LDB2: variants seen among roughly 807,000 people sequenced by gnomAD.
The protein encoded by LDB2 is LIM domain binding 2.
LDB2 carries 12 observed loss-of-function variants against 44.3 expected under a neutral mutation model. The ratio of observed to expected loss-of-function variants is 0.27; its 90% CI spans 0.17 to 0.44. The LOEUF is 0.44. Among genes scored for constraint, LDB2 ranks in the 20% least tolerant of loss-of-function variants. LDB2 has a pLI of 1.00. For synonymous variants in LDB2, 164 were observed against 174.8 expected, an observed-to-expected ratio of 0.94 and a Z score of 0.49; for missense variants, 344 against 473.5, an observed-to-expected ratio of 0.73 and a Z score of 2.54.
In LDB2 at chr4:16,898,566, A is replaced by G; in HGVS notation, c.-81T>C. 7.0e-7 allele frequency: 1 copy of G among 1,436,148 alleles called. No individual in the cohort carries two copies. The allele number at this position is 1,436,148 out of a possible 1,614,324, so 89.0% of individuals were successfully genotyped here. Reference sequence around the variant, plus strand: ...GCACATGGGCTGTGTTCTTCCCAGTACAAAGTAGACGCACGCACACACGCT... The same window carrying G: ...GCACATGGGCTGTGTTCTTCCCAGTGCAAAGTAGACGCACGCACACACGCT... On this transcript the variant is annotated 5_prime_UTR_variant, in exon 1 of 8. Transcript: ENST00000304523.
chr4:16,502,423 C>T lies in LDB2; in HGVS notation c.*220G>A. ...CAATCAGTGCCAGTATCTGTATTAC[C>T]TGTGAAGGCCTCCAAGAAAGGGTCA... On this transcript the variant is annotated 3_prime_UTR_variant, in exon 8 of 8. Transcript: ENST00000304523. 1 of 596,584 alleles carries T rather than the reference C, an allele frequency of 1.7e-6. No homozygotes were observed. The highest frequency in any genetic ancestry group is 2.1e-5 in the South Asian group (1 of 46,618). 37.0% of individuals were successfully genotyped at this position (596,584 alleles called of 1,614,324 possible). A position where few individuals can be genotyped will look rare whatever the true frequency, so the allele number is the denominator to read the frequency against.
At chr4:16,685,398 GT>G (rs958336448) in intron 2 of LDB2, among the ~76,000 whole-genome samples, 3 of 151,564 alleles carry the variant, frequency 2.0e-5, no homozygotes, top group Non-Finnish European at 4.4e-5. Context: ...TTTGTTTTTT[GT>G]TTTTTTGTTT....
rs184772372 is a variant in LDB2, at chr4:16,732,382, G to A, written c.235+26776C>T. Among the ~76,000 whole-genome samples the A allele has an allele frequency of 2.0e-4, 30 of 152,244 alleles. 2 individuals carry two copies. In the South Asian group the frequency reaches 4.8e-3, roughly 24 times the overall value. On this transcript the variant is annotated intron_variant, in intron 2 of 7. Transcript: ENST00000304523. ...CTCCAAATGTTACTTCATTAGTGTG[G>A]ATTTGATCACAATGCTCTTTGCCAC...
At chr4:16,641,301 A>C (rs1427222673) in intron 2 of LDB2, among the ~76,000 whole-genome samples, 3 of 152,214 alleles carry the variant, frequency 2.0e-5, no homozygotes, top group African/African-American at 7.2e-5. Context: ...AAATGAACCT[A>C]TGTGGAAAAC....
chr4:16,533,283 A>C lies in LDB2; in HGVS notation c.616-21179T>G, dbSNP rs1477169019. Among the ~76,000 whole-genome samples, 1 of 151,714 alleles carries C rather than the reference A, an allele frequency of 6.6e-6. No homozygotes were observed. Among genetic ancestry groups the C allele is most frequent in the African/African-American group, 2.4e-5 (1 of 41,370 alleles). On this transcript the variant is annotated intron_variant, in intron 5 of 7. Transcript: ENST00000304523. The surrounding 1 kb of genome is among the most constrained non-coding windows in gnomAD (Gnocchi z 4.1). ...CAAGCCTCGGTGCTATCAACATGTG[A>C]TTAACCTCTAGTCTGAGGTTAAGGA...
chr4:16,791,307 A>G (rs1374734513), intron 1 of LDB2, among the ~76,000 whole-genome samples: 1 of 152,160 alleles, frequency 6.6e-6, no homozygotes, highest in Non-Finnish European at 1.5e-5. Flanking sequence ...CTGTAATCCC[A>G]GCACTTTGAG....
intron 2 of LDB2, among the ~76,000 whole-genome samples, chr4:16,645,409 C>T (rs10440299): frequency 0.06 from 9,071 of 151,358 alleles, 362 homozygotes; most frequent in Non-Finnish European, 0.077. Flanking sequence ...CGGTGGCGGG[C>T]GCCTGTAGTC....
intron 1 of LDB2, among the ~76,000 whole-genome samples, chr4:16,871,911 C>T (rs949551784): frequency 3.3e-5 from 5 of 152,202 alleles, no homozygotes; most frequent in South Asian, 2.1e-4. Context: ...TGTGAGCTAC[C>T]GCGCCCAGCC....
rs868799797 is a variant in LDB2 at position 16,740,596 on chromosome 4, G to A, written c.235+18562C>T. ...GGTTTGATTTTTGTCTCATGCTAAT[G>A]TGATACTTGTCTAATAGAACTCATG... On this transcript the variant is annotated intron_variant, in intron 2 of 7. Coordinates refer to ENST00000304523, the MANE Select transcript of LDB2 (RefSeq NM_001290.5). Among the ~76,000 whole-genome samples, 9 of 152,324 alleles carry A rather than the reference G, an allele frequency of 5.9e-5. No individual in the cohort carries two copies. The South Asian group carries it at 1.7e-3, about 28-fold the overall frequency.
intron 2 of LDB2, among the ~76,000 whole-genome samples, chr4:16,742,715 C>T (rs1763564819): frequency 6.6e-6 from 1 of 152,152 alleles, no homozygotes; most frequent in Non-Finnish European, 1.5e-5. Context: ...AGAGTGTCCC[C>T]ATCACCTTTT....
At chr4:16,865,191 G>T (rs1487105516) in intron 1 of LDB2, among the ~76,000 whole-genome samples, 1 of 152,152 alleles carries the variant, frequency 6.6e-6, no homozygotes, top group Non-Finnish European at 1.5e-5. Flanking sequence ...GGTGGAGGTT[G>T]CAGTAAGCAG....
Position 16,588,839 on chromosome 4 carries a change from G to A in LDB2, c.409-7C>T, listed in dbSNP as rs1717911314. The A allele has an allele frequency of 6.2e-7, 1 of 1,612,578 alleles. No homozygotes were observed. Among genetic ancestry groups the A allele is most frequent in the Middle Eastern group, 1.7e-4 (1 of 6,054 alleles). On this transcript the variant is annotated splice_polypyrimidine_tract_variant and splice_region_variant and intron_variant, in intron 3 of 7. Coordinates refer to ENST00000304523, the MANE Select transcript of LDB2 (RefSeq NM_001290.5). ...GTCTGCCTTCTGTACATACCTGGAA[G>A]TGACAAACCACACAGTCATTCATTA...
chr4:16,608,448 T>A (rs190804520), intron 2 of LDB2, among the ~76,000 whole-genome samples: 47 of 152,264 alleles, frequency 3.1e-4, no homozygotes, highest in African/African-American at 1.1e-3. Flanking sequence ...AACAGCCCAA[T>A]TATACCCACC....
intron 5 of LDB2, among the ~76,000 whole-genome samples, chr4:16,542,755 T>C (rs1401356142): frequency 1.3e-5 from 2 of 152,146 alleles, no homozygotes; most frequent in Admixed American, 1.3e-4. Flanking sequence ...CAAATGGTTT[T>C]TTTACTTGTG....
intron 5 of LDB2, among the ~76,000 whole-genome samples, chr4:16,569,660 CTCCA>C (rs1175768781): frequency 2.0e-5 from 3 of 152,132 alleles, no homozygotes; most frequent in South Asian, 2.1e-4. Flanking sequence ...GCCTCCATCC[CTCCA>C]TCCATCCATC....
At chr4:16,526,933 C>T (rs998352503) in intron 5 of LDB2, among the ~76,000 whole-genome samples, 1 of 152,164 alleles carries the variant, frequency 6.6e-6, no homozygotes, top group East Asian at 1.9e-4. Flanking sequence ...AGCATCCAAA[C>T]GGCAACTTCT....
chr4:16,566,383 A>ATACT (rs1744530434), intron 5 of LDB2, among the ~76,000 whole-genome samples: 1 of 152,186 alleles, frequency 6.6e-6, no homozygotes, highest in South Asian at 2.1e-4. Flanking sequence ...ATGGGCTCGA[A>ATACT]TACTTAAGGT....
At chr4:16,656,448 C>A (rs1739888234) in intron 2 of LDB2, among the ~76,000 whole-genome samples, 1 of 152,174 alleles carries the variant, frequency 6.6e-6, no homozygotes, top group Admixed American at 6.5e-5. Context: ...ATACGCCAGC[C>A]ACCAGCCACA....
chr4:16,661,145 A>G (rs1020653682), intron 2 of LDB2, among the ~76,000 whole-genome samples: 1 of 152,180 alleles, frequency 6.6e-6, no homozygotes, highest in Non-Finnish European at 1.5e-5. Context: ...ATTGTACAAG[A>G]TTCATTACTG....
Sources: gnomAD v4.1 joint callset for allele counts (sites outside exome capture counted in the v4.1 genomes callset) on GRCh38, gnomAD v4.1.1 for gene constraint, Gnocchi (gnomAD v3.1) non-coding constraint, MANE v1.5 for transcripts, NCBI Gene and HGNC (gene_info 2026-07-23, HGNC 2026-07-21) for gene names.